RBM14: variants seen among roughly 807,000 people sequenced by gnomAD.
RBM14 encodes RNA-binding protein 14.
Under a neutral mutation model 52.8 loss-of-function variants are expected in RBM14, and 5 were observed. The ratio of observed to expected loss-of-function variants is 0.09; its 90% confidence interval spans 0.05 to 0.20. The LOEUF (loss-of-function observed/expected upper bound fraction) is 0.20. Ranked by LOEUF, RBM14 falls within the 10% of genes least tolerant of loss-of-function variation. The pLI, the probability that RBM14 is intolerant of heterozygous loss-of-function variation, is 1.00. For missense variants in RBM14, 780 were observed against 926.6 expected, an observed-to-expected ratio of 0.84 and a Z score of 2.05; for synonymous variants, 411 against 401.8, an observed-to-expected ratio of 1.02 and a Z score of -0.28.
rs748529905 is a variant in RBM14 at position 66,624,794 on chromosome 11, T to C, written c.918T>C (p.Gly306=). ...SAAASSLGPY[G]GAQPSASALS... Reference sequence around the variant, plus strand: ...CAGCTTCTTCACTCGGCCCATATGGTGGAGCCCAGCCCTCAGCCTCGGCCC... The same window carrying C: ...CAGCTTCTTCACTCGGCCCATATGGCGGAGCCCAGCCCTCAGCCTCGGCCC... The change falls in exon 2 of 3, where the codon GGT becomes GGC. Residue 306 remains glycine (G), a synonymous_variant. Transcript: ENST00000310137. This position sits in a 1 kb window ranked among gnomAD's most constrained non-coding sequence, Gnocchi z 4.7. 6.2e-7 allele frequency: 1 copy of C among 1,614,076 alleles called. No individual in the cohort carries two copies. Among genetic ancestry groups the C allele is most frequent in the East Asian group, 2.2e-5 (1 of 44,870 alleles).
rs1565071547 is a variant in RBM14, at chr11:66,624,713, C to G, written c.837C>G (p.Val279=). 14 of 1,614,056 alleles carry G rather than the reference C, an allele frequency of 8.7e-6. No individual in the cohort carries two copies. The highest frequency in any genetic ancestry group is 1.2e-5 in the Non-Finnish European group (14 of 1,179,972). Residue 279 remains valine (V), a synonymous_variant, in exon 2 of 3, where the codon GTC becomes GTG. Coordinates refer to ENST00000310137, the MANE Select transcript of RBM14 (RefSeq NM_006328.4). This position sits in a 1 kb window ranked among gnomAD's most constrained non-coding sequence, Gnocchi z 4.7. ...CCTCTTACCGCGCTCAGCCCTCTGT[C>G]TCCCTTGGGGCACCATACAGGGGCC... ...QAASYRAQPS[V]SLGAPYRGQL...
chr11:66,622,975 T>C (rs911146245), intron 1 of RBM14, among the ~76,000 whole-genome samples: 4 of 152,180 alleles, frequency 2.6e-5, no homozygotes, highest in African/African-American at 9.7e-5. Flanking sequence ...GCTTTGTGAG[T>C]GTGGACATGA....
chr11:66,619,179 G>C (rs530911594), intron 1 of RBM14: 3 of 152,366 alleles, frequency 2.0e-5, no homozygotes, highest in African/African-American at 7.2e-5. Context: ...TCTAAAGAGC[G>C]TACTCATTTC....
intron 1 of RBM14, chr11:66,617,330 G>C (rs1362802151): frequency 2.3e-5 from 30 of 1,278,570 alleles, no homozygotes; most frequent in Non-Finnish European, 4.0e-6. Flanking sequence ...AGAGCCTTGC[G>C]AGTGTTCCGG....
Position 66,621,994 on chromosome 11 carries a change from CCTT to C in RBM14, c.338-2216_338-2214del, listed in dbSNP as rs201063557. 3.9e-3 allele frequency among the ~76,000 whole-genome samples: 599 copies of C among 152,012 alleles called. 3 individuals are homozygous for C. Among genetic ancestry groups the C allele is most frequent in the African/African-American group, 0.013 (538 of 41,474 alleles). On this transcript the variant is annotated intron_variant, in intron 1 of 2. Coordinates refer to ENST00000310137, the MANE Select transcript of RBM14 (RefSeq NM_006328.4). ...CAGTGATCTTGGCTCACTGCAGCCT[CCTT>C]CTTTTTCTTCCGGGTTCAAGTGATT... is the stretch of plus-strand genomic sequence containing the variant.
At position 66,629,449 on chromosome 11, in the gene RBM14, A is replaced by G. The variant is rs1937958298; in HGVS notation, c.*2781A>G. ...CTCTTGTAATGGAGGTAATGGGACT[A>G]TCACTGAGGGGTTCAGCCTATCCAG... On this transcript the variant is annotated 3_prime_UTR_variant, in exon 3 of 3. Transcript: ENST00000310137. Among the ~76,000 whole-genome samples, 1 of 152,196 alleles carries G rather than the reference A, an allele frequency of 6.6e-6. No individual in the cohort carries two copies. Among genetic ancestry groups the G allele is most frequent in the Admixed American group, 6.5e-5 (1 of 15,280 alleles).
Position 66,619,767 on chromosome 11 carries a change from T to C in RBM14, c.337+2710T>C, listed in dbSNP as rs953972414. Among the ~76,000 whole-genome samples the C allele has an allele frequency of 2.0e-5, 3 of 152,116 alleles. No individual in the cohort carries two copies. The South Asian group carries it at 6.2e-4, about 31-fold the overall frequency. ...ATTTTTAGTAGAGACGGGGTTTCAC[T>C]GTGTTAGCCAGGATGGTCTCGATCT... On this transcript the variant is annotated intron_variant, in intron 1 of 2. Transcript: ENST00000310137.
Position 66,625,271 on chromosome 11 carries a change from G to A in RBM14, c.1395G>A (p.Pro465=), listed in dbSNP as rs374032107. Residue 465 remains proline, a synonymous_variant, in exon 2 of 3, where the codon CCG becomes CCA. Coordinates refer to ENST00000310137, the MANE Select transcript of RBM14 (RefSeq NM_006328.4). This position sits in a 1 kb window ranked among gnomAD's most constrained non-coding sequence, Gnocchi z 4.2. ...TGGCTGGCTCCTATGGGGCCCAGCC[G>A]GTTGTGCAGACCCAGCTGAATAGTT... ...TPMAGSYGAQ[P]VVQTQLNSYG... The A allele has an allele frequency of 2.6e-5, 42 of 1,612,532 alleles. No individual in the cohort carries two copies. The highest frequency in any genetic ancestry group is 1.6e-4 in the Middle Eastern group (1 of 6,080).
At chr11:66,618,639 G>A (rs1008583977) in intron 1 of RBM14, 2 of 711,588 alleles carry the variant, frequency 2.8e-6, no homozygotes, top group Non-Finnish European at 5.2e-6. Flanking sequence ...TCCAGCAAAA[G>A]GGTGGGGTAT....
rs1349415381 is a variant in RBM14, at chr11:66,629,470, T to C, written c.*2802T>C. Among the ~76,000 whole-genome samples, 1 of 152,214 alleles carries C rather than the reference T, an allele frequency of 6.6e-6. No individual in the cohort carries two copies. The highest frequency in any genetic ancestry group is 2.4e-5 in the African/African-American group (1 of 41,444). ...GACTATCACTGAGGGGTTCAGCCTATCCAGGTAGGCTACCGTTCTAGTCAT... is the reference window on the plus strand; with the variant it reads ...GACTATCACTGAGGGGTTCAGCCTACCCAGGTAGGCTACCGTTCTAGTCAT... On this transcript the variant is annotated 3_prime_UTR_variant, in exon 3 of 3. Coordinates refer to ENST00000310137, the MANE Select transcript of RBM14 (RefSeq NM_006328.4).
intron 1 of RBM14, 23 bp downstream of exon 1, chr11:66,617,080 G>C: frequency 6.4e-7 from 1 of 1,554,126 alleles, no homozygotes. Context: ...CGCGCTCGGG[G>C]GCGGGGGCGC....
chr11:66,617,929 T>A (rs1039958652), intron 1 of RBM14, among the ~76,000 whole-genome samples: 6 of 151,866 alleles, frequency 4.0e-5, no homozygotes, highest in African/African-American at 1.5e-4. Context: ...TGGGGAGGGG[T>A]CTGTGAGAGC....
intron 1 of RBM14, among the ~76,000 whole-genome samples, chr11:66,619,704 C>G (rs1201109869): frequency 6.6e-6 from 1 of 151,820 alleles, no homozygotes; most frequent in Non-Finnish European, 1.5e-5. Context: ...GTAGCTGGGA[C>G]TACAGGCGCC....
chr11:66,625,647 C>T lies in RBM14; in HGVS notation c.1771C>T (p.Pro591Ser), dbSNP rs1937765996. The T allele has an allele frequency of 6.2e-7, 1 of 1,612,440 alleles. No individual in the cohort carries two copies. The highest frequency in any genetic ancestry group is 1.3e-5 in the African/African-American group (1 of 75,056). ...CCCACCCCGGGCCAGCTACGACGAT[C>T]CCTACAAAAAGGCTGTCGCCATGTC... ...LSPPRASYDD[P>S]YKKAVAMSKR... is the part of the protein sequence containing the mutation. Residue 591 changes from proline (P) to serine (S), a missense_variant, in exon 2 of 3, where the codon CCC becomes TCC. By Grantham distance (74) the Pro-to-Ser change is moderately conservative. Coordinates refer to ENST00000310137, the MANE Select transcript of RBM14 (RefSeq NM_006328.4). The surrounding 1 kb of genome is among the most constrained non-coding windows in gnomAD (Gnocchi z 4.2).
chr11:66,626,237 C>A (rs1309734573), intron 2 of RBM14, among the ~76,000 whole-genome samples: 1 of 152,200 alleles, frequency 6.6e-6, no homozygotes, highest in Non-Finnish European at 1.5e-5. Flanking sequence ...TTGGCTAGTT[C>A]AGAGGGGAGG....
rs781404404 is a variant in RBM14 at position 66,616,886 on chromosome 11, C to T, written c.166C>T (p.His56Tyr). 1 of 1,612,138 alleles carries T rather than the reference C, an allele frequency of 6.2e-7. No individual in the cohort carries two copies. The highest frequency in any genetic ancestry group is 1.7e-5 in the Admixed American group (1 of 59,958). ...AGALRAIEAL[H>Y]GHELRPGRAL... ...CGCGCTGCGCGCCATCGAAGCCCTG[C>T]ACGGCCACGAGCTGCGGCCGGGGCG... Residue 56 changes from histidine to tyrosine, a missense_variant, in exon 1 of 3, where the codon CAC becomes TAC. This residue lies in a region of RBM14 where 71 missense variants were observed against 119.2 expected (regional missense o/e 0.60). Transcript: ENST00000310137.
At chr11:66,626,115 G>T (rs497858) in intron 2 of RBM14, among the ~76,000 whole-genome samples, 2 of 152,346 alleles carry the variant, frequency 1.3e-5, no homozygotes, top group South Asian at 4.1e-4. Context: ...TGGGAAGTTG[G>T]GGACCTCGCT....
chr11:66,623,180 G>C (rs1402573958), intron 1 of RBM14, among the ~76,000 whole-genome samples: 3 of 152,202 alleles, frequency 2.0e-5, no homozygotes, highest in African/African-American at 7.2e-5. Context: ...TGAGAAACCA[G>C]ATCTTTCTGG....
chr11:66,617,545 C>T, intron 1 of RBM14: 1 of 989,672 alleles, frequency 1.0e-6, no homozygotes, highest in Non-Finnish European at 1.2e-6. Context: ...TGTGCTCAAG[C>T]GGAAGGTAAC....
Sources: allele counts gnomAD v4.1 joint callset (sites outside exome capture counted in the v4.1 genomes callset), GRCh38; gene constraint gnomAD v4.1.1; regional missense constraint gnomAD v4.1.1; non-coding constraint Gnocchi (gnomAD v3.1); transcripts MANE v1.5; gene names NCBI Gene and HGNC (gene_info 2026-07-23, HGNC 2026-07-21).